ADGRV1: variants seen among roughly 807,000 people sequenced by gnomAD.
The protein encoded by ADGRV1 is G-protein coupled receptor 98.
In ADGRV1, 359 loss-of-function variants were observed where a neutral mutation model predicts 596.2. That is an observed-to-expected ratio of 0.60 (90% confidence interval 0.55 to 0.66). The LOEUF (loss-of-function observed/expected upper bound fraction) is 0.66, where lower values mean the gene tolerates loss of function less well. Ranked by LOEUF, ADGRV1 falls within the 30% of genes least tolerant of loss-of-function variation. ADGRV1 has a pLI of 0.00. For missense variants in ADGRV1, 7,274 were observed against 7,575.6 expected (o/e 0.96, Z 1.48); for synonymous variants, 2,681 against 2,679.2 (o/e 1.00, Z -0.02).
At chr5:90,860,169 G>A (rs371876963) in intron 82 of ADGRV1, among the ~76,000 whole-genome samples, 11 of 151,988 alleles carry the variant, frequency 7.2e-5, no homozygotes, top group African/African-American at 2.4e-4. Context: ...ATTGAACAGC[G>A]TTAAGTTCAA....
chr5:91,142,730 A>AC (rs1396760563), intron 87 of ADGRV1, among the ~76,000 whole-genome samples: 1 of 152,252 alleles, frequency 6.6e-6, no homozygotes, highest in Non-Finnish European at 1.5e-5. Flanking sequence ...GACGTCAAGA[A>AC]CATTTATTAA....
intron 83 of ADGRV1, among the ~76,000 whole-genome samples, chr5:90,951,223 A>C (rs1777038492): frequency 6.6e-6 from 1 of 152,186 alleles, no homozygotes; most frequent in African/African-American, 2.4e-5. Context: ...AACTAGTTTA[A>C]TTGGATTGTA....
At chr5:90,863,895 G>A in intron 83 of ADGRV1, 38 bp downstream of exon 83, 1 of 1,292,208 alleles carries the variant, frequency 7.7e-7, no homozygotes, top group Non-Finnish European at 1.1e-6. Flanking sequence ...ATCGTGAGAT[G>A]TTTGTGTTTC....
At chr5:90,995,791 A>C (rs1781363132) in intron 85 of ADGRV1, among the ~76,000 whole-genome samples, 1 of 152,190 alleles carries the variant, frequency 6.6e-6, no homozygotes, top group Admixed American at 6.5e-5. Context: ...GATGGAGATG[A>C]GGAACTTACT....
At chr5:90,915,301 A>G (rs1387760619) in intron 83 of ADGRV1, among the ~76,000 whole-genome samples, 1 of 152,220 alleles carries the variant, frequency 6.6e-6, no homozygotes, top group Admixed American at 6.5e-5. Flanking sequence ...ATTTAAAATG[A>G]TCAGTAATCT....
At chr5:90,569,527 A>T (rs1235144466) in intron 1 of ADGRV1, among the ~76,000 whole-genome samples, 1 of 147,440 alleles carries the variant, frequency 6.8e-6, no homozygotes, top group African/African-American at 2.5e-5. Flanking sequence ...CTGCCTTTTA[A>T]TTGGAGTATT....
intron 85 of ADGRV1, among the ~76,000 whole-genome samples, chr5:91,040,128 A>G (rs1194657210): frequency 2.0e-5 from 3 of 152,192 alleles, no homozygotes; most frequent in African/African-American, 7.2e-5. Context: ...AAAGAGAAAT[A>G]TAATGCTTTT....
chr5:90,776,920 G>A (rs1489020006), intron 61 of ADGRV1, among the ~76,000 whole-genome samples: 1 of 152,142 alleles, frequency 6.6e-6, no homozygotes. Context: ...CTGCAAGCTT[G>A]TGTGTCTTAG....
At chr5:91,077,544 C>T (rs536517930) in intron 86 of ADGRV1, among the ~76,000 whole-genome samples, 1 of 152,142 alleles carries the variant, frequency 6.6e-6, no homozygotes, top group Non-Finnish European at 1.5e-5. Flanking sequence ...GAATAAGCAC[C>T]TCATAAATGG....
intron 82 of ADGRV1, 78 bp downstream of exon 82, chr5:90,855,979 G>A (rs1042797310): frequency 2.3e-5 from 27 of 1,178,978 alleles, no homozygotes; most frequent in Admixed American, 7.7e-5. Context: ...ATCCTTTTAC[G>A]TATGCAAGAT....
At chr5:90,766,092 AGT>A (rs1757102444) in intron 59 of ADGRV1, among the ~76,000 whole-genome samples, 1 of 151,284 alleles carries the variant, frequency 6.6e-6, no homozygotes, top group Non-Finnish European at 1.5e-5. Context: ...TGTATTTTTT[AGT>A]GAGACAGGGT....
intron 77 of ADGRV1, among the ~76,000 whole-genome samples, chr5:90,838,163 C>T (rs1228691195): frequency 2.0e-5 from 3 of 151,906 alleles, no homozygotes; most frequent in Non-Finnish European, 2.9e-5. Context: ...ATTCTAAAGC[C>T]ATTAGATTTT....
At chr5:91,035,858 ATATT>A (rs1369299107) in intron 85 of ADGRV1, among the ~76,000 whole-genome samples, 1 of 70,776 alleles carries the variant, frequency 1.4e-5, no homozygotes, top group African/African-American at 4.2e-5. Context: ...ATATATATAT[ATATT>A]ATATATATAT....
intron 70 of ADGRV1, among the ~76,000 whole-genome samples, chr5:90,801,090 A>G (rs1761321828): frequency 6.6e-6 from 1 of 152,066 alleles, no homozygotes; most frequent in African/African-American, 2.4e-5. Context: ...ATAAAGAACG[A>G]ATGATAGGCA....
intron 86 of ADGRV1, among the ~76,000 whole-genome samples, chr5:91,095,780 T>A (rs1277066564): frequency 6.6e-6 from 1 of 152,132 alleles, no homozygotes; most frequent in Non-Finnish European, 1.5e-5. Context: ...CATTAATATC[T>A]TTTTATTTAA....
chr5:90,605,377 T>C (rs902074883), intron 1 of ADGRV1, among the ~76,000 whole-genome samples: 1 of 148,698 alleles, frequency 6.7e-6, no homozygotes. Flanking sequence ...ATCGCGCCAC[T>C]GCACTCCAGC....
chr5:90,744,587 G>A (rs965516119), intron 50 of ADGRV1, among the ~76,000 whole-genome samples: 4 of 152,030 alleles, frequency 2.6e-5, no homozygotes, highest in Non-Finnish European at 5.9e-5. Context: ...TAATAGTATG[G>A]ACATGGTGTA....
chr5:90,614,333 T>C, intron 1 of ADGRV1: 3 of 292,870 alleles, frequency 1.0e-5, no homozygotes, highest in South Asian at 8.8e-5. Flanking sequence ...TTCTTTGCAA[T>C]AACTAAGAAT....
chr5:90,719,405 C>T (rs1580857918), intron 43 of ADGRV1, among the ~76,000 whole-genome samples: 1 of 152,144 alleles, frequency 6.6e-6, no homozygotes, highest in South Asian at 2.1e-4. Flanking sequence ...TTCCCCCTGT[C>T]TCTTCCCCTT....
Sources: allele counts gnomAD v4.1 joint callset (sites outside exome capture counted in the v4.1 genomes callset), GRCh38; gene constraint gnomAD v4.1.1; transcripts MANE v1.5; gene names NCBI Gene and HGNC (gene_info 2026-07-23, HGNC 2026-07-21).